Variants in SIM2 observed in about 807,000 individuals in gnomAD.
SIM2 encodes single-minded homolog 2.
Under a neutral mutation model 64.8 loss-of-function variants are expected in SIM2, and 28 were observed. The ratio of observed to expected loss-of-function variants is 0.43; its 90% CI spans 0.32 to 0.59. The LOEUF is 0.59. Among genes scored for constraint, SIM2 ranks in the 20% least tolerant of loss-of-function variants. The pLI is 0.07. For missense variants in SIM2, 847 were observed against 871.4 expected (o/e 0.97, Z 0.35); for synonymous variants, 408 against 391.1 (o/e 1.04, Z -0.51).
In SIM2 at chr21:36,741,825, C is replaced by T. The variant is rs1161017750; in HGVS notation, c.959C>T (p.Ser320Phe). 9.3e-6 allele frequency: 15 copies of T among 1,607,188 alleles called. No homozygotes were observed. Among genetic ancestry groups the T allele is most frequent in the Non-Finnish European group, 1.3e-5 (15 of 1,177,306 alleles). Residue 320 changes from serine to phenylalanine, a missense_variant, in exon 8 of 11, where the codon TCC becomes TTC. Ser to Phe is a radical substitution (Grantham distance 155). This residue lies in a region of SIM2 where 397 missense variants were observed against 439.2 expected (regional missense o/e 0.90). Coordinates refer to ENST00000290399, the MANE Select transcript of SIM2 (RefSeq NM_005069.6). ...YATVVHNSRSSRPHCIVSVNY... is the reference protein window; with the variant it reads ...YATVVHNSRSFRPHCIVSVNY... Reference sequence around the variant, plus strand: ...ACCGTGGTGCACAACAGCCGCTCGTCCCGGCCCCACTGCATCGTGAGTGTC... The same window carrying T: ...ACCGTGGTGCACAACAGCCGCTCGTTCCGGCCCCACTGCATCGTGAGTGTC...
chr21:36,709,522 G>T (rs904881771), intron 2 of SIM2: 1 of 613,658 alleles, frequency 1.6e-6, no homozygotes. Flanking sequence ...CGCCAGGGGC[G>T]CCTCCCGAGC....
chr21:36,737,971 A>AAAAAAAAAAAAAAAAAAAAAAG, intron 7 of SIM2, among the ~76,000 whole-genome samples: 1 of 123,908 alleles, frequency 8.1e-6, no homozygotes, highest in Non-Finnish European at 1.9e-5. Flanking sequence ...CAAAAAAAAA[A>AAAAAAAAAAAAAAAAAAAAAAG]AAAAAAAAAA....
At chr21:36,744,311 C>CCAAAAAAAA (rs1555877734) in intron 9 of SIM2, among the ~76,000 whole-genome samples, 1 of 41,766 alleles carries the variant, frequency 2.4e-5, no homozygotes, top group African/African-American at 6.3e-5. Flanking sequence ...CACATTATGA[C>CCAAAAAAAA]AAAAAAAAAA....
chr21:36,726,448 C>CA lies in SIM2; in HGVS notation c.743+134dup. ...AGTCATAATAGGAATGTGGATTAAGCAAAACCAATTTATGAACTGAAAGAA... is the reference window on the plus strand; with the variant it reads ...AGTCATAATAGGAATGTGGATTAAGCAAAAACCAATTTATGAACTGAAAGAA... On this transcript the variant is annotated intron_variant, in intron 6 of 10. Transcript: ENST00000290399. This position sits in a 1 kb window ranked among gnomAD's most constrained non-coding sequence, Gnocchi z 4.5. 1 of 742,920 alleles carries CA rather than the reference C, an allele frequency of 1.3e-6. No individual in the cohort carries two copies. Among genetic ancestry groups the CA allele is most frequent in the Non-Finnish European group, 2.2e-6 (1 of 461,518 alleles). The allele number at this position is 742,920 out of a possible 1,614,324, so 46.0% of individuals were successfully genotyped here.
chr21:36,745,863 T>TG lies in SIM2; in HGVS notation c.1576+729dup, dbSNP rs1330801653. On this transcript the variant is annotated intron_variant, in intron 10 of 10. Transcript: ENST00000290399. This position sits in a 1 kb window ranked among gnomAD's most constrained non-coding sequence, Gnocchi z 4.8. Reference sequence around the variant, plus strand: ...CGCAGACTGACTCCTGTTTGCTCGCTGGACCAACCCCAGGCAGAAGGTGGA... The same window carrying TG: ...CGCAGACTGACTCCTGTTTGCTCGCTGGGACCAACCCCAGGCAGAAGGTGGA... The TG allele has an allele frequency of 1.5e-6, 2 of 1,303,044 alleles. No homozygotes were observed. The highest frequency in any genetic ancestry group is 3.0e-5 in the African/African-American group (2 of 65,858). 80.7% of individuals were successfully genotyped at this position (1,303,044 alleles called of 1,614,324 possible).
At position 36,749,500 on chromosome 21, in the gene SIM2, C is replaced by G. The variant is rs959144506; in HGVS notation, c.*1408C>G. On this transcript the variant is annotated 3_prime_UTR_variant, in exon 11 of 11. Coordinates refer to ENST00000290399, the MANE Select transcript of SIM2 (RefSeq NM_005069.6). ...TGTGTCACTTAGTGAGGACCTGACA[C>G]AATCCCTACAGGGTGTCTGTCAGTG... 1 of 147,984 alleles carries G rather than the reference C, an allele frequency of 6.8e-6. No homozygotes were observed. The highest frequency in any genetic ancestry group is 1.5e-5 in the Non-Finnish European group (1 of 67,686). 9.2% of individuals were successfully genotyped at this position (147,984 alleles called of 1,614,324 possible). A position where few individuals can be genotyped will look rare whatever the true frequency, so the allele number is the denominator to read the frequency against.
Position 36,726,222 on chromosome 21 carries a change from C to A in SIM2, c.647C>A (p.Ser216Ter). The change falls in exon 6 of 11, where the codon TCG becomes TAG. Residue 216 changes from serine (S) to a stop codon, truncating the protein, a stop_gained. Transcript: ENST00000290399. LOFTEE classifies it high-confidence loss of function. This position sits in a 1 kb window ranked among gnomAD's most constrained non-coding sequence, Gnocchi z 4.5. Reference sequence around the variant, plus strand: ...GTGGGGCTGGTGGCCGTGGGCCAGTCGCTGCCACCCAGTGCCATCACCGAG... The same window carrying A: ...GTGGGGCTGGTGGCCGTGGGCCAGTAGCTGCCACCCAGTGCCATCACCGAG... The part of the protein sequence containing the change: ...QIVGLVAVGQ[S>*]LPPSAITEIK... The A allele has an allele frequency of 6.2e-7, 1 of 1,613,760 alleles. No homozygotes were observed. The highest frequency in any genetic ancestry group is 1.1e-5 in the South Asian group (1 of 91,068).
In SIM2 at chr21:36,748,075, A is replaced by G; in HGVS notation, c.1987A>G (p.Ile663Val). 5.0e-6 allele frequency: 6 copies of G among 1,204,214 alleles called. No homozygotes were observed. The highest frequency in any genetic ancestry group is 5.2e-6 in the Non-Finnish European group (5 of 970,232). The allele number at this position is 1,204,214 out of a possible 1,614,324, so 74.6% of individuals were successfully genotyped here. A position where few individuals can be genotyped will look rare whatever the true frequency, so the allele number is the denominator to read the frequency against. Residue 663 changes from isoleucine (I) to valine (V), a missense_variant, in exon 11 of 11, where the codon ATC becomes GTC. Coordinates refer to ENST00000290399, the MANE Select transcript of SIM2 (RefSeq NM_005069.6). ...LPHYLGASVI[I>V]TNGR ...GCACTACCTGGGCGCCTCGGTCATC[A>G]TCACCAACGGGAGGTGACCCGCTGG...
intron 1 of SIM2, among the ~76,000 whole-genome samples, chr21:36,703,233 G>C (rs1443569454): frequency 4.6e-5 from 7 of 152,332 alleles, no homozygotes; most frequent in Non-Finnish European, 1.0e-4. Context: ...GAGACCACCA[G>C]AACCAGGGTA....
At position 36,744,958 on chromosome 21, in the gene SIM2, G is replaced by T. The variant is rs1360394548; in HGVS notation, c.1398G>T (p.Gly466=). The T allele has an allele frequency of 1.2e-6, 2 of 1,614,234 alleles. No homozygotes were observed. Among genetic ancestry groups the T allele is most frequent in the Non-Finnish European group, 1.7e-6 (2 of 1,180,038 alleles). The change falls in exon 10 of 11, where the codon GGG becomes GGT. Residue 466 remains glycine, a synonymous_variant. Transcript: ENST00000290399. ...SKKPMLPAKF[G]QPQGSPCEVA... is the part of the protein sequence containing the mutation. ...AGCCAATGTTGCCGGCCAAGTTCGG[G>T]CAGCCCCAAGGATCCCCTTGTGAGG...
chr21:36,738,186 C>T, intron 7 of SIM2, among the ~76,000 whole-genome samples: 1 of 151,928 alleles, frequency 6.6e-6, no homozygotes, highest in Non-Finnish European at 1.5e-5. Flanking sequence ...ACCTCACCCC[C>T]ATACGTATTA....
intron 7 of SIM2, among the ~76,000 whole-genome samples, chr21:36,736,695 A>G (rs1419953245): frequency 6.6e-6 from 1 of 151,532 alleles, no homozygotes; most frequent in Admixed American, 6.6e-5. Flanking sequence ...CTGTGCCACA[A>G]TATTCCCCAG....
At chr21:36,712,066 G>A (rs751963396) in intron 2 of SIM2, among the ~76,000 whole-genome samples, 18 of 152,062 alleles carry the variant, frequency 1.2e-4, no homozygotes, top group Non-Finnish European at 7.4e-5. Flanking sequence ...TTATTCCAAC[G>A]GTACTTAGAG....
chr21:36,699,708 G>A lies in SIM2; in HGVS notation c.-39G>A, dbSNP rs552879285. ...GCCCGAGCGGGGCTCCGCGGGCCTGGAGCACGGCCGGGTCTAATATGCCCG... is the reference window on the plus strand; with the variant it reads ...GCCCGAGCGGGGCTCCGCGGGCCTGAAGCACGGCCGGGTCTAATATGCCCG... On this transcript the variant is annotated 5_prime_UTR_variant, in exon 1 of 11. Coordinates refer to ENST00000290399, the MANE Select transcript of SIM2 (RefSeq NM_005069.6). This position sits in a 1 kb window ranked among gnomAD's most constrained non-coding sequence, Gnocchi z 5.6. The A allele has an allele frequency of 8.6e-5, 138 of 1,598,704 alleles. 1 individual carries two copies. The South Asian group carries it at 1.4e-3, about 16-fold the overall frequency.
intron 2 of SIM2, 149 bp downstream of exon 2, chr21:36,709,399 G>A: frequency 1.4e-6 from 1 of 728,624 alleles, no homozygotes; most frequent in Non-Finnish European, 2.4e-6. Flanking sequence ...CCACTGCGGA[G>A]GGATGGACGC....
chr21:36,744,625 C>T, intron 9 of SIM2, 103 bp from the exon 10 acceptor site: 1 of 1,397,460 alleles, frequency 7.2e-7, no homozygotes, highest in Non-Finnish European at 9.5e-7. Context: ...TAGGGGCAGC[C>T]CTTGGATGGG....
At chr21:36,741,238 A>C (rs1011151358) in intron 7 of SIM2, among the ~76,000 whole-genome samples, 2 of 152,228 alleles carry the variant, frequency 1.3e-5, no homozygotes, top group Non-Finnish European at 2.9e-5. Flanking sequence ...GAATACCCTC[A>C]TGTTCCTGAA....
chr21:36,739,099 A>C (rs2089119676), intron 7 of SIM2, among the ~76,000 whole-genome samples: 2 of 152,270 alleles, frequency 1.3e-5, no homozygotes. Context: ...TTGGAAATTT[A>C]GAAAGTCAAG....
rs1016716285 is a variant in SIM2, at chr21:36,745,613, G to T, written c.1576+477G>T. 2.0e-5 allele frequency: 22 copies of T among 1,125,102 alleles called. 1 individual carries two copies. Among genetic ancestry groups the T allele is most frequent in the Non-Finnish European group, 2.3e-5 (21 of 904,426 alleles). 69.7% of individuals were successfully genotyped at this position (1,125,102 alleles called of 1,614,324 possible). ...GTGGAAATTTGTGGGCTTGGGGACA[G>T]AAATGCCACTCACCAACCCAGGGCA... On this transcript the variant is annotated intron_variant, in intron 10 of 10. Transcript: ENST00000290399. This position sits in a 1 kb window ranked among gnomAD's most constrained non-coding sequence, Gnocchi z 4.8.
Sources: allele counts gnomAD v4.1 joint callset (sites outside exome capture counted in the v4.1 genomes callset), GRCh38; gene constraint gnomAD v4.1.1; regional missense constraint gnomAD v4.1.1; non-coding constraint Gnocchi (gnomAD v3.1); transcripts MANE v1.5; gene names NCBI Gene and HGNC (gene_info 2026-07-23, HGNC 2026-07-21).